Variants in NID2 observed in about 807,000 individuals in gnomAD.
NID2 encodes nidogen 2, also known as nidogen-2.
NID2 carries 83 observed loss-of-function variants against 145.4 expected under a neutral mutation model. The ratio of observed to expected loss-of-function variants is 0.57; its 90% CI spans 0.48 to 0.69. The LOEUF (loss-of-function observed/expected upper bound fraction) is 0.69, where lower values mean the gene tolerates loss of function less well. Ranked by LOEUF, NID2 falls within the 30% of genes least tolerant of loss-of-function variation. The probability of loss-of-function intolerance (pLI) is 0.00; values close to 1 mark genes in which losing one functional copy is unlikely to be tolerated. For missense variants in NID2, 1,807 were observed against 1,765.7 expected (o/e 1.02, Z -0.42); for synonymous variants, 739 against 701.3 (o/e 1.05, Z -0.85).
intron 20 of NID2, 183 bp from the exon 21 acceptor site, chr14:52,006,032 C>CA: frequency 3.6e-6 from 2 of 554,584 alleles, no homozygotes; most frequent in East Asian, 5.9e-5. Context: ...TCATCTCTAG[C>CA]TGCATGTTAG....
At chr14:52,061,303 T>C (rs1448677122) in intron 2 of NID2, among the ~76,000 whole-genome samples, 1 of 152,218 alleles carries the variant, frequency 6.6e-6, no homozygotes, top group Non-Finnish European at 1.5e-5. Flanking sequence ...TTTATGGGCA[T>C]CTCTAGTGAG....
intron 12 of NID2, among the ~76,000 whole-genome samples, chr14:52,026,130 A>G (rs1438891445): frequency 6.6e-6 from 1 of 152,214 alleles, no homozygotes; most frequent in Admixed American, 6.5e-5. Context: ...TCAGTAACAC[A>G]TGGCCTCAGC....
chr14:52,010,318 T>C (rs912058610), intron 18 of NID2: 1 of 152,262 alleles, frequency 6.6e-6, no homozygotes, highest in Non-Finnish European at 1.5e-5. Context: ...TTCTCCCTGA[T>C]TGTAACAAGT....
At chr14:52,029,058 G>A (rs1891702440) in intron 10 of NID2, among the ~76,000 whole-genome samples, 1 of 152,132 alleles carries the variant, frequency 6.6e-6, no homozygotes. Flanking sequence ...AACACCACAG[G>A]AAGATAAATT....
chr14:52,032,326 A>G (rs958294081), intron 9 of NID2, among the ~76,000 whole-genome samples: 2 of 152,238 alleles, frequency 1.3e-5, no homozygotes, highest in African/African-American at 2.4e-5. Flanking sequence ...CAAAGGACCA[A>G]TAAATAATTC....
intron 16 of NID2, 189 bp from the exon 17 acceptor site, chr14:52,011,872 G>A (rs1027253854): frequency 4.7e-6 from 3 of 633,860 alleles, no homozygotes; most frequent in Non-Finnish European, 8.2e-6. Context: ...TAGCCATGTG[G>A]CTTTGGGCAT....
Position 52,040,398 on chromosome 14 carries a change from G to A in NID2, c.2026+253C>T, listed in dbSNP as rs186506793. Among the ~76,000 whole-genome samples the A allele has an allele frequency of 3.9e-3, 595 of 152,158 alleles. 3 individuals carry two copies. The highest frequency in any genetic ancestry group is 0.014 in the African/African-American group (574 of 41,482). On this transcript the variant is annotated intron_variant, in intron 8 of 21. Transcript: ENST00000216286. The stretch of plus-strand genomic sequence containing the variant: ...ATTATACCATCCCTACCCACCCCAT[G>A]GACAATGTTGCTATTGATTTTATTA...
intron 16 of NID2, among the ~76,000 whole-genome samples, chr14:52,013,675 C>G (rs1595003997): frequency 6.6e-6 from 1 of 152,202 alleles, no homozygotes. Context: ...ATTAGGGAGG[C>G]TGCTGGCTCA....
chr14:52,042,749 G>C, intron 6 of NID2, 33 bp downstream of exon 6: 1 of 1,608,790 alleles, frequency 6.2e-7, no homozygotes. Context: ...AGCAGGAATA[G>C]ACACACAGGA....
At position 52,029,480 on chromosome 14, in the gene NID2, A is replaced by G; in HGVS notation, c.2401+67T>C. On this transcript the variant is annotated intron_variant, in intron 10 of 21. Coordinates refer to ENST00000216286, the MANE Select transcript of NID2 (RefSeq NM_007361.4). ...TGACAGATACTTGTCTTCTACAGAC[A>G]TAAGGCTGGGGAGGGCAGAGGAAAA... is the stretch of plus-strand genomic sequence containing the variant. 4.6e-6 allele frequency: 7 copies of G among 1,508,196 alleles called. No homozygotes were observed. The South Asian group carries it at 6.1e-5, about 13-fold the overall frequency. 93.4% of individuals were successfully genotyped at this position (1,508,196 alleles called of 1,614,324 possible). A position where few individuals can be genotyped will look rare whatever the true frequency, so the allele number is the denominator to read the frequency against.
intron 18 of NID2, chr14:52,010,562 C>T (rs540879912): frequency 2.6e-4 from 56 of 214,866 alleles, no homozygotes; most frequent in African/African-American, 6.3e-4. Flanking sequence ...GCTGAGGCCT[C>T]GCCTGATCAT....
intron 11 of NID2, among the ~76,000 whole-genome samples, chr14:52,027,938 T>C (rs1232492464): frequency 1.3e-5 from 2 of 152,128 alleles, no homozygotes; most frequent in Admixed American, 1.3e-4. Flanking sequence ...TGGGATGAAT[T>C]GGGATAGTTC....
intron 10 of NID2, 58 bp from the exon 11 acceptor site, chr14:52,028,908 G>C: frequency 1.3e-6 from 2 of 1,578,810 alleles, no homozygotes; most frequent in Non-Finnish European, 1.7e-6. Context: ...AGAAGTGGAG[G>C]GTCTAAAAAC....
At position 52,053,593 on chromosome 14, in the gene NID2, C is replaced by A. The variant is rs752118258; in HGVS notation, c.1415G>T (p.Gly472Val). ...TYEVGLEDNI[G>V]SNTEVFTYNA... ...AATGCACTCACCCTCGGTGTTGGAACCTATGTTGTCTTCCAGTCCCACCTC... is the reference window on the plus strand; with the variant it reads ...AATGCACTCACCCTCGGTGTTGGAAACTATGTTGTCTTCCAGTCCCACCTC... The change falls in exon 5 of 22, where the codon GGT becomes GTT. Residue 472 changes from glycine to valine, a missense_variant. By Grantham distance (109) the Gly-to-Val change is moderately radical (BLOSUM62 -3). Coordinates refer to ENST00000216286, the MANE Select transcript of NID2 (RefSeq NM_007361.4). The A allele has an allele frequency of 6.2e-7, 1 of 1,613,686 alleles. No homozygotes were observed. Among genetic ancestry groups the A allele is most frequent in the Admixed American group, 1.7e-5 (1 of 60,018 alleles).
chr14:52,061,136 T>C (rs1346415736), intron 2 of NID2, among the ~76,000 whole-genome samples: 1 of 152,180 alleles, frequency 6.6e-6, no homozygotes, highest in Non-Finnish European at 1.5e-5. Flanking sequence ...TGTCAGACTA[T>C]TTAATAGTCC....
chr14:52,020,120 A>G lies in NID2; in HGVS notation c.2733T>C (p.Pro911=). The change falls in exon 13 of 22, where the codon CCT becomes CCC. Residue 911 remains proline (P), a synonymous_variant. Coordinates refer to ENST00000216286, the MANE Select transcript of NID2 (RefSeq NM_007361.4). The part of the protein sequence containing the change: ...CHPAATCYNT[P]GSFSCRCQPG... Reference sequence around the variant, plus strand: ...GTTGACAACGGCAGGAGAAGGAACCAGGAGTATTGTAGCAGGTAGCTGCAG... The same window carrying G: ...GTTGACAACGGCAGGAGAAGGAACCGGGAGTATTGTAGCAGGTAGCTGCAG... The G allele has an allele frequency of 6.2e-7, 1 of 1,614,204 alleles. No individual in the cohort carries two copies. Among genetic ancestry groups the G allele is most frequent in the Non-Finnish European group, 8.5e-7 (1 of 1,179,990 alleles).
chr14:52,067,821 C>G (rs779910438), intron 2 of NID2, 37 bp downstream of exon 2: 1 of 1,606,790 alleles, frequency 6.2e-7, no homozygotes, highest in Non-Finnish European at 8.5e-7. Flanking sequence ...GCCCATCCTT[C>G]AATTTCCTCA....
At position 52,028,762 on chromosome 14, in the gene NID2, C is replaced by G. The variant is rs907185863; in HGVS notation, c.2490G>C (p.Arg830=). ...NLPGSYRCEC[R]SGYEFADDRH... The stretch of plus-strand genomic sequence containing the variant: ...GGTCATCTGCAAACTCATAACCACT[C>G]CGGCACTCACACCTGTAGCTTCCAG... The change falls in exon 11 of 22, where the codon CGG becomes CGC. Residue 830 remains arginine (R), a synonymous_variant. Transcript: ENST00000216286. The G allele has an allele frequency of 6.2e-7, 1 of 1,614,066 alleles. No homozygotes were observed. Among genetic ancestry groups the G allele is most frequent in the African/African-American group, 1.3e-5 (1 of 75,016 alleles).
At chr14:52,010,755 T>C in intron 18 of NID2, 121 bp downstream of exon 18, 1 of 950,508 alleles carries the variant, frequency 1.1e-6, no homozygotes, top group Non-Finnish European at 1.6e-6. Context: ...TAAATCTTTG[T>C]TACATGAATG....
Sources: allele counts gnomAD v4.1 joint callset (sites outside exome capture counted in the v4.1 genomes callset), GRCh38; gene constraint gnomAD v4.1.1; transcripts MANE v1.5; gene names NCBI Gene and HGNC (gene_info 2026-07-23, HGNC 2026-07-21).